PVALEF: variants seen among roughly 807,000 people sequenced by gnomAD.
PVALEF encodes the protein parvalbumin-like EF-hand-containing protein.
In PVALEF, 2 loss-of-function variants were observed where a neutral mutation model predicts 1.2. That is an observed-to-expected ratio of 1.68 (90% CI 0.69 to 5.28). The LOEUF is 5.28. Among genes scored for constraint, PVALEF ranks in the 30% most tolerant of loss-of-function variants. The pLI is 0.06. For missense variants in PVALEF, 35 were observed against 17.7 expected, an observed-to-expected ratio of 1.97 and a Z score of -1.75; for synonymous variants, 16 against 6.5, an observed-to-expected ratio of 2.47 and a Z score of -2.24.
intron 6 of PVALEF, among the ~76,000 whole-genome samples, 151 bp from the exon 7 acceptor site, chr17:81,182,814 G>T (rs138390007): frequency 6.6e-6 from 1 of 152,242 alleles, no homozygotes; most frequent in Admixed American, 6.5e-5. Flanking sequence ...TGGGCTGGAG[G>T]CCTGGTCCCT....
chr17:81,165,852 G>A (rs2061482605), intron 1 of PVALEF, 105 bp downstream of exon 1: 34 of 1,530,540 alleles, frequency 2.2e-5, no homozygotes, highest in Non-Finnish European at 2.8e-5. Context: ...TAATTTCCAT[G>A]CAAACCGGGA....
At chr17:81,169,974 A>G (rs925633070) in intron 2 of PVALEF, among the ~76,000 whole-genome samples, 2 of 135,966 alleles carry the variant, frequency 1.5e-5, no homozygotes. Context: ...TGGTATGTGT[A>G]CATGTGTGTG....
rs1401936333 is a variant in PVALEF, at chr17:81,165,917, GC to G, written c.-508+172del. Reference sequence around the variant, plus strand: ...AGCGGAGGGAGGCAGCGGCGCGCAGGCCGGGCCGCCAGGGACTCACCGGGGT... The same window carrying G: ...AGCGGAGGGAGGCAGCGGCGCGCAGGCGGGCCGCCAGGGACTCACCGGGGT... On this transcript the variant is annotated intron_variant, in intron 1 of 6. Transcript: ENST00000637878. 2.5e-6 allele frequency: 4 copies of G among 1,569,950 alleles called. No homozygotes were observed. The African/African-American group carries it at 4.1e-5, about 16-fold the overall frequency.
At position 81,165,539 on chromosome 17, in the gene PVALEF, C is replaced by T. The variant is rs1382459621; in HGVS notation, c.-716C>T. The T allele has an allele frequency of 4.4e-6, 4 of 907,902 alleles. No homozygotes were observed. The highest frequency in any genetic ancestry group is 5.4e-5 in the East Asian group (1 of 18,634). 56.2% of individuals were successfully genotyped at this position (907,902 alleles called of 1,614,324 possible). A position where few individuals can be genotyped will look rare whatever the true frequency, so the allele number is the denominator to read the frequency against. On this transcript the variant is annotated 5_prime_UTR_variant, in exon 1 of 7. The change creates a new upstream start codon in the 5' untranslated region. Transcript: ENST00000637878. ...TCCCAGCCTGGGAAGAAGCCTCCCA[C>T]GCCAGGGCCCCGGACCCAGGAGAGG...
At chr17:81,171,607 T>C (rs2061520864) in intron 2 of PVALEF, among the ~76,000 whole-genome samples, 1 of 152,184 alleles carries the variant, frequency 6.6e-6, no homozygotes, top group African/African-American at 2.4e-5. Context: ...TTCTCCTGCC[T>C]CAGCCTCCCA....
chr17:81,179,332 G>A (rs934952813), intron 3 of PVALEF, among the ~76,000 whole-genome samples, 180 bp downstream of exon 3: 4 of 152,196 alleles, frequency 2.6e-5, no homozygotes, highest in Non-Finnish European at 4.4e-5. Context: ...CTCCCTGCCA[G>A]CAGCACCACT....
In PVALEF at chr17:81,181,638, G is replaced by A. The variant is rs1277628612; in HGVS notation, c.186G>A (p.Thr62=). 10 of 414,874 alleles carry A rather than the reference G, an allele frequency of 2.4e-5. No individual in the cohort carries two copies. The highest frequency in any genetic ancestry group is 4.4e-5 in the Admixed American group (1 of 22,958). The allele number at this position is 414,874 out of a possible 1,614,324, so 25.7% of individuals were successfully genotyped here. ...GCCAGCTGGACGACGCCATCCACAC[G>A]GCCTTCCAGTCCCTGGACAAGGACA... is the stretch of plus-strand genomic sequence containing the variant. ...ASGQLDDAIH[T]AFQSLDKDKS... is the part of the protein sequence containing the mutation. Residue 62 remains threonine, a synonymous_variant, in exon 5 of 7, where the codon ACG becomes ACA. Coordinates refer to ENST00000637878, the MANE Select transcript of PVALEF (RefSeq NM_001354639.2).
At chr17:81,177,060 G>A (rs1399748606) in intron 2 of PVALEF, among the ~76,000 whole-genome samples, 2 of 150,942 alleles carry the variant, frequency 1.3e-5, no homozygotes, top group Non-Finnish European at 2.9e-5. Flanking sequence ...CCAAGTAGCT[G>A]GGACTCCAGT....
At chr17:81,175,871 A>G (rs538093408) in intron 2 of PVALEF, among the ~76,000 whole-genome samples, 5 of 152,350 alleles carry the variant, frequency 3.3e-5, no homozygotes, top group Admixed American at 1.3e-4. Flanking sequence ...TTTGACAGAG[A>G]TTTCTTGGAT....
chr17:81,169,822 G>C (rs2061512393), intron 2 of PVALEF, among the ~76,000 whole-genome samples: 4 of 149,458 alleles, frequency 2.7e-5, no homozygotes, highest in Admixed American at 1.3e-4. Flanking sequence ...ATGTGTGTCT[G>C]TGTGTGTCTG....
chr17:81,172,239 G>A (rs2061523063), intron 2 of PVALEF, among the ~76,000 whole-genome samples: 1 of 152,186 alleles, frequency 6.6e-6, no homozygotes, highest in African/African-American at 2.4e-5. Flanking sequence ...TGTTATTAGT[G>A]TTAGGTGTGG....
chr17:81,182,813 G>A (rs1598253209), intron 6 of PVALEF, among the ~76,000 whole-genome samples, 152 bp from the exon 7 acceptor site: 1 of 152,254 alleles, frequency 6.6e-6, no homozygotes, highest in East Asian at 1.9e-4. Flanking sequence ...ATGGGCTGGA[G>A]GCCTGGTCCC....
rs117802403 is a variant in PVALEF, at chr17:81,172,473, C to A, written c.-340+5629C>A. Among the ~76,000 whole-genome samples the A allele has an allele frequency of 7.8e-3, 1,183 of 152,310 alleles. 10 individuals are homozygous for A. Among genetic ancestry groups the A allele is most frequent in the Non-Finnish European group, 0.012 (828 of 68,020 alleles). ...AAGCTTCTCCTGGTCCAGCAGCAGA[C>A]GGCCAGTCAAGAAGGTTGCTGGGGC... is the stretch of plus-strand genomic sequence containing the variant. On this transcript the variant is annotated intron_variant, in intron 2 of 6. Transcript: ENST00000637878.
intron 2 of PVALEF, among the ~76,000 whole-genome samples, chr17:81,169,717 G>T (rs561764295): frequency 2.0e-5 from 3 of 151,566 alleles, no homozygotes; most frequent in Non-Finnish European, 4.4e-5. Flanking sequence ...TGCCTGCATC[G>T]TCACATAGTC....
At chr17:81,168,099 T>C (rs76778860) in intron 2 of PVALEF, among the ~76,000 whole-genome samples, 1 of 152,174 alleles carries the variant, frequency 6.6e-6, no homozygotes, top group Non-Finnish European at 1.5e-5. Context: ...CTGCCCAGCC[T>C]GGAAGGTGCC....
chr17:81,176,926 CT>C (rs34506557), intron 2 of PVALEF, among the ~76,000 whole-genome samples: 57 of 130,882 alleles, frequency 4.4e-4, no homozygotes, highest in African/African-American at 1.1e-3. Context: ...GTATTAGTCA[CT>C]TTTTTTTTTT....
intron 2 of PVALEF, among the ~76,000 whole-genome samples, chr17:81,178,045 C>A (rs138362683): frequency 6.6e-6 from 1 of 152,088 alleles, no homozygotes; most frequent in African/African-American, 2.4e-5. Flanking sequence ...AGACTGGATT[C>A]GTCTCCTCAT....
At chr17:81,179,277 A>T in intron 3 of PVALEF, 125 bp downstream of exon 3, 3 of 235,624 alleles carry the variant, frequency 1.3e-5, no homozygotes, top group South Asian at 4.0e-5. Flanking sequence ...ACCCCAGGGG[A>T]CCCAGGGGAG....
intron 2 of PVALEF, among the ~76,000 whole-genome samples, chr17:81,168,790 G>C (rs1029770262): frequency 1.3e-5 from 2 of 152,180 alleles, no homozygotes; most frequent in African/African-American, 4.8e-5. Context: ...GGGCAGGAGA[G>C]AGCCTGGGGG....
Sources: allele counts gnomAD v4.1 joint callset (sites outside exome capture counted in the v4.1 genomes callset), GRCh38; gene constraint gnomAD v4.1.1; transcripts MANE v1.5; gene names NCBI Gene and HGNC (gene_info 2026-07-23, HGNC 2026-07-21).